MTMR3: variants seen among roughly 807,000 people sequenced by gnomAD.
MTMR3 encodes the protein phosphatidylinositol-3,5-bisphosphate 3-phosphatase MTMR3.
A neutral mutation model predicts 132.4 loss-of-function variants in MTMR3; 32 were observed. The ratio of observed to expected loss-of-function variants is 0.24; its 90% CI spans 0.18 to 0.32. The LOEUF (loss-of-function observed/expected upper bound fraction) is 0.32, where lower values mean the gene tolerates loss of function less well. Among genes scored for constraint, MTMR3 ranks in the 10% least tolerant of loss-of-function variants. The pLI is 1.00. For synonymous variants in MTMR3, 556 were observed against 550.3 expected (o/e 1.01, Z -0.14); for missense variants, 1,216 against 1,489.6 (o/e 0.82, Z 3.02).
chr22:30,016,081 G>A (rs927899292), intron 14 of MTMR3: 1 of 184,022 alleles, frequency 5.4e-6, no homozygotes, highest in Non-Finnish European at 1.2e-5. Context: ...AGCTCCATCA[G>A]GGCAGAAGAA....
intron 1 of MTMR3, among the ~76,000 whole-genome samples, chr22:29,916,103 C>G (rs1490509329): frequency 2.0e-5 from 3 of 152,108 alleles, no homozygotes; most frequent in Non-Finnish European, 4.4e-5. Context: ...CATAATTCAA[C>G]GTTAGGCTTG....
At chr22:29,917,326 C>T (rs1393861342) in intron 1 of MTMR3, among the ~76,000 whole-genome samples, 3 of 152,112 alleles carry the variant, frequency 2.0e-5, no homozygotes, top group Non-Finnish European at 2.9e-5. Flanking sequence ...AAAGATCCTT[C>T]GTATAAGATT....
intron 3 of MTMR3, among the ~76,000 whole-genome samples, chr22:29,974,143 A>G (rs1043348335): frequency 3.3e-5 from 5 of 152,210 alleles, no homozygotes; most frequent in African/African-American, 1.2e-4. Flanking sequence ...GACATGGAAT[A>G]CATCTCTCTA....
chr22:29,920,223 A>AC (rs2065384138), intron 1 of MTMR3, among the ~76,000 whole-genome samples: 1 of 150,378 alleles, frequency 6.6e-6, no homozygotes, highest in African/African-American at 2.4e-5. Context: ...CAAAAAAAAA[A>AC]ACAAAAAACC....
At chr22:30,007,430 G>T (rs1408031003) in intron 10 of MTMR3, 111 bp downstream of exon 10, 2 of 1,064,922 alleles carry the variant, frequency 1.9e-6, no homozygotes, top group African/African-American at 3.2e-5. Flanking sequence ...AAGTGAATGT[G>T]CAGAGCTTCA....
In MTMR3 at chr22:29,947,973, C is replaced by T. The variant is rs1017743490; in HGVS notation, c.-137-9063C>T. On this transcript the variant is annotated intron_variant, in intron 1 of 19. Transcript: ENST00000401950. ...GAGCTCATCATTTAAACAGAGCCTG[C>T]ATTGTGGTGTGTGGTTATTGGAGGT... is the stretch of plus-strand genomic sequence containing the variant. 3.9e-5 allele frequency among the ~76,000 whole-genome samples: 6 copies of T among 152,204 alleles called. No homozygotes were observed. In the East Asian group the frequency reaches 1.2e-3, roughly 29 times the overall value.
chr22:29,963,448 G>T (rs1184090456), intron 2 of MTMR3, among the ~76,000 whole-genome samples: 1 of 146,706 alleles, frequency 6.8e-6, no homozygotes, highest in Admixed American at 6.9e-5. Flanking sequence ...GGAGGGCAAT[G>T]GTGCGATCTC....
chr22:29,887,337 C>T (rs1275371677), intron 1 of MTMR3, among the ~76,000 whole-genome samples: 1 of 152,162 alleles, frequency 6.6e-6, no homozygotes, highest in Admixed American at 6.5e-5. Context: ...TTCTACTTTT[C>T]TAACAGACTG....
intron 3 of MTMR3, among the ~76,000 whole-genome samples, chr22:29,973,011 G>C (rs1185586609): frequency 6.6e-6 from 1 of 152,190 alleles, no homozygotes; most frequent in African/African-American, 2.4e-5. Flanking sequence ...GATTCCTAAT[G>C]ATCATTTTAC....
intron 1 of MTMR3, among the ~76,000 whole-genome samples, chr22:29,938,097 A>G (rs2065785349): frequency 6.6e-6 from 1 of 152,208 alleles, no homozygotes; most frequent in African/African-American, 2.4e-5. Flanking sequence ...GGTTTCACCT[A>G]GGATCTCATT....
At chr22:29,945,431 G>A (rs916582484) in intron 1 of MTMR3, among the ~76,000 whole-genome samples, 3 of 152,080 alleles carry the variant, frequency 2.0e-5, no homozygotes, top group South Asian at 2.1e-4. Context: ...GGCCAGGTGC[G>A]GTGGCTTACA....
Position 30,020,749 on chromosome 22 carries a change from C to T in MTMR3, c.3090C>T (p.Arg1030=). 1.2e-6 allele frequency: 2 copies of T among 1,614,220 alleles called. No homozygotes were observed. The highest frequency in any genetic ancestry group is 1.7e-6 in the Non-Finnish European group (2 of 1,180,044). The part of the protein sequence containing the change: ...MSVYTDTIQQ[R]LRQIESGHQQ... ...TGTACACAGACACGATCCAACAGCG[C>T]CTGCGTCAGATTGAGTCAGGCCACC... Residue 1030 remains arginine, a synonymous_variant, in exon 17 of 20, where the codon CGC becomes CGT. Coordinates refer to ENST00000401950, the MANE Select transcript of MTMR3 (RefSeq NM_021090.4).
At chr22:29,883,984 T>C (rs1330078271) in intron 1 of MTMR3, among the ~76,000 whole-genome samples, 1 of 152,232 alleles carries the variant, frequency 6.6e-6, no homozygotes, top group Non-Finnish European at 1.5e-5. Flanking sequence ...TACAGTGTTA[T>C]TTCTCCGGTA....
rs902759302 is a variant in MTMR3, at chr22:29,934,654, G to A, written c.-137-22382G>A. On this transcript the variant is annotated intron_variant, in intron 1 of 19. Coordinates refer to ENST00000401950, the MANE Select transcript of MTMR3 (RefSeq NM_021090.4). ...TTTTAGGGGAAAACTAGGGCATGCA[G>A]GTTGATCTTGTCCCATTATGGTGAG... Among the ~76,000 whole-genome samples the A allele has an allele frequency of 2.0e-5, 3 of 152,160 alleles. No homozygotes were observed. The East Asian group carries it at 5.8e-4, about 29-fold the overall frequency.
rs528754817 is a variant in MTMR3, at chr22:30,019,442, T to C, written c.1821-38T>C. 6.4e-5 allele frequency: 99 copies of C among 1,556,528 alleles called. No homozygotes were observed. In the African/African-American group the frequency reaches 1.2e-3, roughly 19 times the overall value. ...TGTCTCCTACTTCCTCCAAACAGTT[T>C]CCAAGATTTTCATTTCCCCCAAATT... On this transcript the variant is annotated intron_variant, in intron 16 of 19. Coordinates refer to ENST00000401950, the MANE Select transcript of MTMR3 (RefSeq NM_021090.4).
intron 8 of MTMR3, 21 bp from the exon 9 acceptor site, chr22:30,002,859 C>G (rs1407467956): frequency 6.3e-7 from 1 of 1,583,206 alleles, no homozygotes; most frequent in Non-Finnish European, 8.7e-7. Context: ...TGACTCTCCC[C>G]ACTTCTCATC....
intron 1 of MTMR3, among the ~76,000 whole-genome samples, chr22:29,951,664 C>G (rs1467662219): frequency 6.6e-6 from 1 of 152,156 alleles, no homozygotes; most frequent in Admixed American, 6.5e-5. Context: ...CAGATTCTGT[C>G]TATTGCAGAA....
chr22:29,916,567 G>GT (rs2065312266), intron 1 of MTMR3, among the ~76,000 whole-genome samples: 2 of 151,862 alleles, frequency 1.3e-5, no homozygotes, highest in African/African-American at 2.4e-5. Context: ...ACAGTTCGGT[G>GT]CTATTGTTCA....
At chr22:30,019,091 C>G (rs1457046824) in intron 16 of MTMR3, 1 of 171,344 alleles carries the variant, frequency 5.8e-6, no homozygotes, top group Non-Finnish European at 1.3e-5. Context: ...CCTATAATCC[C>G]AGCTACTCAG....
Sources: allele counts gnomAD v4.1 joint callset (sites outside exome capture counted in the v4.1 genomes callset), GRCh38; gene constraint gnomAD v4.1.1; transcripts MANE v1.5; gene names NCBI Gene and HGNC (gene_info 2026-07-23, HGNC 2026-07-21).